The following ARMH4 variants were observed in gnomAD, a reference collection of about 807,000 sequenced individuals.
ARMH4 encodes the protein armadillo like helical domain containing 4, also known as armadillo-like helical domain-containing protein 4.
A neutral mutation model predicts 61.9 loss-of-function variants in ARMH4; 49 were observed. The ratio of observed to expected loss-of-function variants is 0.79; its 90% CI spans 0.63 to 1.00. The LOEUF (loss-of-function observed/expected upper bound fraction) is 1.00. Ranked by LOEUF, ARMH4 falls within the 50% of genes least tolerant of loss-of-function variation. ARMH4 has a pLI of 0.00. For missense variants in ARMH4, 934 were observed against 930.0 expected (o/e 1.00, Z -0.06); for synonymous variants, 368 against 341.5 (o/e 1.08, Z -0.85).
intron 1 of ARMH4, among the ~76,000 whole-genome samples, chr14:58,143,601 T>C (rs1174401448): frequency 2.6e-5 from 4 of 151,898 alleles, no homozygotes; most frequent in Non-Finnish European, 1.5e-5. Flanking sequence ...ATAGGTGGGA[T>C]TACAGGTGCT....
At chr14:58,089,030 T>C (rs1885472311) in intron 5 of ARMH4, among the ~76,000 whole-genome samples, 1 of 152,142 alleles carries the variant, frequency 6.6e-6, no homozygotes, top group Non-Finnish European at 1.5e-5. Flanking sequence ...CTCTAGGAGT[T>C]CTAAGAAATG....
At chr14:58,020,324 G>A (rs1882776491) in intron 5 of ARMH4, among the ~76,000 whole-genome samples, 1 of 152,128 alleles carries the variant, frequency 6.6e-6, no homozygotes, top group South Asian at 2.1e-4. Flanking sequence ...CAAGCTGGGA[G>A]GCAGCGTGTA....
chr14:58,007,814 T>C lies in ARMH4; in HGVS notation c.2122-2632A>G, dbSNP rs549300445. Among the ~76,000 whole-genome samples, 10 of 152,270 alleles carry C rather than the reference T, an allele frequency of 6.6e-5. No homozygotes were observed. The East Asian group carries it at 1.3e-3, about 21-fold the overall frequency. On this transcript the variant is annotated intron_variant, in intron 6 of 7. Coordinates refer to ENST00000267485, the MANE Select transcript of ARMH4 (RefSeq NM_001001872.4). ...CTTGAGAAAGACACAATTGCACCAA[T>C]GTATTATTCCAACCAGGAATGCATA...
intron 1 of ARMH4, among the ~76,000 whole-genome samples, chr14:58,142,546 G>A (rs1049993916): frequency 3.3e-5 from 5 of 151,608 alleles, no homozygotes; most frequent in Non-Finnish European, 5.9e-5. Flanking sequence ...AATGCAGTGC[G>A]AGTCACTCAC....
intron 2 of ARMH4, 27 bp from the exon 3 acceptor site, chr14:58,133,368 T>G (rs1429220676): frequency 2.6e-6 from 4 of 1,522,822 alleles, no homozygotes; most frequent in South Asian, 2.4e-5. Flanking sequence ...CATTTAAAAA[T>G]AGACCAAATC....
intron 2 of ARMH4, 115 bp from the exon 3 acceptor site, chr14:58,133,456 G>A: frequency 2.0e-6 from 2 of 981,292 alleles, no homozygotes; most frequent in Non-Finnish European, 3.0e-6. Flanking sequence ...TTCAGGAACT[G>A]GGGAAGCAAA....
At chr14:58,063,408 G>T (rs2141216938) in intron 5 of ARMH4, among the ~76,000 whole-genome samples, 1 of 152,268 alleles carries the variant, frequency 6.6e-6, no homozygotes, top group South Asian at 2.1e-4. Flanking sequence ...TTCTGGGTTG[G>T]GGGAACACAA....
rs1197150773 is a variant in ARMH4 at position 58,129,122 on chromosome 14, AGTTTGTG to A, written c.1831+2383_1831+2389del. 5.8e-4 allele frequency among the ~76,000 whole-genome samples: 89 copies of A among 152,348 alleles called. 1 individual carries two copies. Among genetic ancestry groups the A allele is most frequent in the Middle Eastern group, 3.4e-3 (1 of 294 alleles). ...AAATTTCTGTTGTTTTAAGCCACCC[AGTTTGTG>A]GTACTTAGTTATGACAGCCCTTGAA... is the stretch of plus-strand genomic sequence containing the variant. On this transcript the variant is annotated intron_variant, in intron 4 of 7. Transcript: ENST00000267485.
In ARMH4 at chr14:58,036,051, G is replaced by C. The variant is rs930208159; in HGVS notation, c.2090-23901C>G. ...GGGAATCCTCCCTAACTCATTTTAT[G>C]AGGCCAGCATCATTCTGATACCAAA... On this transcript the variant is annotated intron_variant, in intron 5 of 7. Transcript: ENST00000267485. Among the ~76,000 whole-genome samples, 8 of 125,206 alleles carry C rather than the reference G, an allele frequency of 6.4e-5. 1 individual carries two copies. The highest frequency in any genetic ancestry group is 5.3e-4 in the Admixed American group (7 of 13,232). The allele number at this position is 125,206 out of a possible 152,430, so 82.1% of individuals were successfully genotyped here.
chr14:58,117,077 C>T (rs149062444), intron 4 of ARMH4, among the ~76,000 whole-genome samples: 1 of 152,136 alleles, frequency 6.6e-6, no homozygotes, highest in African/African-American at 2.4e-5. Flanking sequence ...TCCACTTCTC[C>T]AGTAGCTGGG....
rs558508570 is a variant in ARMH4, at chr14:58,079,562, G to A, written c.2089+17162C>T. Reference sequence around the variant, plus strand: ...AAGCTTCCAACACATAAATTTCGGGGGACACATTCAAACCATAGTAGGTAT... The same window carrying A: ...AAGCTTCCAACACATAAATTTCGGGAGACACATTCAAACCATAGTAGGTAT... On this transcript the variant is annotated intron_variant, in intron 5 of 7. Coordinates refer to ENST00000267485, the MANE Select transcript of ARMH4 (RefSeq NM_001001872.4). Among the ~76,000 whole-genome samples, 3 of 152,160 alleles carry A rather than the reference G, an allele frequency of 2.0e-5. No homozygotes were observed. In the East Asian group the frequency reaches 5.8e-4, roughly 29 times the overall value.
At chr14:58,059,784 T>A (rs2141212166) in intron 5 of ARMH4, among the ~76,000 whole-genome samples, 1 of 152,254 alleles carries the variant, frequency 6.6e-6, no homozygotes, top group South Asian at 2.1e-4. Context: ...AATTTTACAC[T>A]CTTGTTCATT....
chr14:58,107,590 A>C (rs201287970), intron 4 of ARMH4, among the ~76,000 whole-genome samples: 1 of 151,830 alleles, frequency 6.6e-6, no homozygotes, highest in Non-Finnish European at 1.5e-5. Context: ...ATGGTGAAAA[A>C]CAGCCTCTAT....
At chr14:58,068,633 A>C (rs1435706200) in intron 5 of ARMH4, among the ~76,000 whole-genome samples, 3 of 152,184 alleles carry the variant, frequency 2.0e-5, no homozygotes. Context: ...CCAGCAGACA[A>C]AAGTGTTACC....
rs1882057338 is a variant in ARMH4 at position 58,003,672 on chromosome 14, C to G, written c.*1064G>C. Reference sequence around the variant, plus strand: ...TTCAATATCCTCATAGCGGGGTGCCCTGAGAGAGGCTGGTTTCCCATGAGC... The same window carrying G: ...TTCAATATCCTCATAGCGGGGTGCCGTGAGAGAGGCTGGTTTCCCATGAGC... On this transcript the variant is annotated 3_prime_UTR_variant, in exon 8 of 8. Coordinates refer to ENST00000267485, the MANE Select transcript of ARMH4 (RefSeq NM_001001872.4). 1 of 152,190 alleles carries G rather than the reference C, an allele frequency of 6.6e-6. No individual in the cohort carries two copies. The highest frequency in any genetic ancestry group is 1.5e-5 in the Non-Finnish European group (1 of 68,058). 9.4% of individuals were successfully genotyped at this position (152,190 alleles called of 1,614,324 possible). A position where few individuals can be genotyped will look rare whatever the true frequency, so the allele number is the denominator to read the frequency against.
chr14:58,079,037 T>C (rs1309272699), intron 5 of ARMH4, among the ~76,000 whole-genome samples: 5 of 152,238 alleles, frequency 3.3e-5, no homozygotes, highest in African/African-American at 9.6e-5. Flanking sequence ...CTTGGGAATG[T>C]TGCAGCTATT....
intron 1 of ARMH4, among the ~76,000 whole-genome samples, chr14:58,143,805 G>T (rs931764862): frequency 5.6e-4 from 70 of 125,380 alleles, no homozygotes; most frequent in Non-Finnish European, 9.9e-4. Context: ...ACAGAGTCTT[G>T]CTCTGTCACC....
chr14:58,134,368 C>T (rs367919773), intron 2 of ARMH4, among the ~76,000 whole-genome samples: 6 of 152,186 alleles, frequency 3.9e-5, no homozygotes, highest in South Asian at 2.1e-4. Context: ...ATTATAATTC[C>T]CTCAAATACA....
At chr14:58,132,778 G>A (rs1246782545) in intron 3 of ARMH4, among the ~76,000 whole-genome samples, 2 of 151,816 alleles carry the variant, frequency 1.3e-5, no homozygotes, top group African/African-American at 4.8e-5. Context: ...GTAGAGACGG[G>A]GTTTCACCAC....
Sources: allele counts gnomAD v4.1 joint callset (sites outside exome capture counted in the v4.1 genomes callset), GRCh38; gene constraint gnomAD v4.1.1; transcripts MANE v1.5; gene names NCBI Gene and HGNC (gene_info 2026-07-23, HGNC 2026-07-21).